The following CMSS1 variants were observed in gnomAD, a reference collection of about 807,000 sequenced individuals.
CMSS1 encodes cms1 ribosomal small subunit homolog.
A neutral mutation model predicts 43.5 loss-of-function variants in CMSS1; 33 were observed. The ratio of observed to expected loss-of-function variants is 0.76; its 90% CI spans 0.57 to 1.01. The LOEUF (loss-of-function observed/expected upper bound fraction) is 1.01, where lower values mean the gene tolerates loss of function less well. CMSS1 is among the 50% of genes least tolerant of loss of function. The pLI is 0.00. For missense variants in CMSS1, 313 were observed against 326.4 expected, an observed-to-expected ratio of 0.96 and a Z score of 0.32; for synonymous variants, 115 against 117.2, an observed-to-expected ratio of 0.98 and a Z score of 0.12.
chr3:99,990,087 G>A (rs1484095827), intron 1 of CMSS1, among the ~76,000 whole-genome samples: 1 of 152,120 alleles, frequency 6.6e-6, no homozygotes, highest in African/African-American at 2.4e-5. Context: ...GTTTGTTTGA[G>A]AAAGAGAAAT....
chr3:99,985,254 C>T (rs867119019), intron 1 of CMSS1, among the ~76,000 whole-genome samples: 5 of 152,106 alleles, frequency 3.3e-5, no homozygotes, highest in Non-Finnish European at 4.4e-5. Flanking sequence ...ATCTAGGGCC[C>T]ATCATGGTGG....
intron 1 of CMSS1, among the ~76,000 whole-genome samples, chr3:99,864,155 T>C (rs969589151): frequency 1.6e-4 from 24 of 152,220 alleles, no homozygotes; most frequent in African/African-American, 5.3e-4. Context: ...ATTTGACTTA[T>C]AACAACAGCT....
chr3:99,914,553 G>A (rs1706892912), intron 1 of CMSS1, among the ~76,000 whole-genome samples: 1 of 152,120 alleles, frequency 6.6e-6, no homozygotes, highest in East Asian at 1.9e-4. Context: ...TTAAATTGAG[G>A]TCAGATTCAA....
At chr3:100,070,547 G>C (rs1368436433) in intron 1 of CMSS1, among the ~76,000 whole-genome samples, 1 of 152,130 alleles carries the variant, frequency 6.6e-6, no homozygotes, top group African/African-American at 2.4e-5. Context: ...GTGGATGTAT[G>C]GGGTTGTAAT....
rs573584109 is a variant in CMSS1 at position 99,903,278 on chromosome 3, A to G, written c.64+85235A>G. Among the ~76,000 whole-genome samples, 1,396 of 151,632 alleles carry G rather than the reference A, an allele frequency of 9.2e-3. 25 individuals carry two copies. Among genetic ancestry groups the G allele is most frequent in the Admixed American group, 0.044 (667 of 15,228 alleles). On this transcript the variant is annotated intron_variant, in intron 1 of 9. Coordinates refer to ENST00000421999, the MANE Select transcript of CMSS1 (RefSeq NM_032359.4). ...TGCATGTTTTTTTTTTTGAGACGGA[A>G]TCTCGCTCTGTCACCCAGGCTGGAG...
chr3:99,867,519 C>G (rs1029090596), intron 1 of CMSS1, among the ~76,000 whole-genome samples: 23 of 152,258 alleles, frequency 1.5e-4, no homozygotes, highest in Admixed American at 2.0e-4. Flanking sequence ...AGGTATTAAA[C>G]AATTGAAAAG....
chr3:99,922,671 A>G (rs1707161613), intron 1 of CMSS1, among the ~76,000 whole-genome samples: 1 of 152,220 alleles, frequency 6.6e-6, no homozygotes, highest in Admixed American at 6.5e-5. Context: ...TCTTTTCAGT[A>G]TCAATAGAGA....
chr3:99,966,887 G>A (rs1039168139), intron 1 of CMSS1, among the ~76,000 whole-genome samples: 6 of 152,170 alleles, frequency 3.9e-5, no homozygotes, highest in Non-Finnish European at 8.8e-5. Flanking sequence ...GCAGAACTCC[G>A]AGCAGCCTGG....
chr3:100,164,236 C>A (rs2067048606), intron 4 of CMSS1, among the ~76,000 whole-genome samples: 1 of 152,176 alleles, frequency 6.6e-6, no homozygotes, highest in Non-Finnish European at 1.5e-5. Context: ...ACTTTTGAAG[C>A]TTTAACTGAA....
At chr3:99,898,050 C>A (rs532577299) in intron 1 of CMSS1, 1 of 151,788 alleles carries the variant, frequency 6.6e-6, no homozygotes, top group Non-Finnish European at 1.5e-5. Flanking sequence ...TCCAGTTAGT[C>A]GTCAGAATGT....
intron 5 of CMSS1, among the ~76,000 whole-genome samples, chr3:100,166,967 C>T (rs549068506): frequency 3.3e-5 from 5 of 152,062 alleles, no homozygotes; most frequent in African/African-American, 1.2e-4. Context: ...AGGCTGGTCT[C>T]AAACTCCTGG....
At chr3:99,979,268 A>G (rs1388351427) in intron 1 of CMSS1, among the ~76,000 whole-genome samples, 1 of 152,068 alleles carries the variant, frequency 6.6e-6, no homozygotes, top group East Asian at 1.9e-4. Context: ...TTTGAATGAG[A>G]CTCTACCTAA....
chr3:99,823,929 T>C (rs376887354), intron 1 of CMSS1, among the ~76,000 whole-genome samples: 7 of 150,812 alleles, frequency 4.6e-5, no homozygotes, highest in East Asian at 3.9e-4. Flanking sequence ...TTCTTTCTTT[T>C]TTTTTTTTTT....
rs1053620657 is a variant in CMSS1 at position 100,146,985 on chromosome 3, G to T, written c.77G>T (p.Gly26Val). 3 of 1,613,572 alleles carry T rather than the reference G, an allele frequency of 1.9e-6. No homozygotes were observed. Among genetic ancestry groups the T allele is most frequent in the African/African-American group, 2.7e-5 (2 of 74,894 alleles). ...GAGSSPEASDGEGEGDTEVMQ... is the reference protein window; with the variant it reads ...GAGSSPEASDVEGEGDTEVMQ... The stretch of plus-strand genomic sequence containing the variant: ...TTATATTTTCTAGAAGCATCAGATG[G>T]TGAAGGAGAAGGAGACACAGAAGTG... The change falls in exon 2 of 10, where the codon GGT (glycine) becomes GTT (valine). Residue 26 changes from glycine (G) to valine (V), a missense_variant. Transcript: ENST00000421999.
At chr3:99,955,738 CAT>C (rs1346828311) in intron 1 of CMSS1, among the ~76,000 whole-genome samples, 2 of 152,070 alleles carry the variant, frequency 1.3e-5, no homozygotes, top group Non-Finnish European at 2.9e-5. Context: ...CTTGATTTTA[CAT>C]AGAGTATGGT....
At chr3:100,164,961 C>T (rs72936587) in intron 4 of CMSS1, among the ~76,000 whole-genome samples, 3 of 152,164 alleles carry the variant, frequency 2.0e-5, no homozygotes, top group South Asian at 4.1e-4. Context: ...TGGAGTCACC[C>T]GGAGCTAATT....
intron 1 of CMSS1, among the ~76,000 whole-genome samples, chr3:99,830,921 T>C (rs371844449): frequency 2.0e-5 from 3 of 152,310 alleles, no homozygotes; most frequent in African/African-American, 7.2e-5. Context: ...AGCCATGAGA[T>C]TGCCAGAGAA....
intron 1 of CMSS1, among the ~76,000 whole-genome samples, chr3:99,915,827 A>T (rs1365814236): frequency 6.6e-6 from 1 of 152,148 alleles, no homozygotes; most frequent in East Asian, 1.9e-4. Context: ...TATTGATGTT[A>T]TGTCTGTCTC....
chr3:99,875,712 G>A (rs969071041), intron 1 of CMSS1, among the ~76,000 whole-genome samples: 1 of 152,152 alleles, frequency 6.6e-6, no homozygotes, highest in Non-Finnish European at 1.5e-5. Context: ...TGAGTCCGGA[G>A]GAGAGATAGG....
Sources: allele counts gnomAD v4.1 joint callset (sites outside exome capture counted in the v4.1 genomes callset), GRCh38; gene constraint gnomAD v4.1.1; transcripts MANE v1.5; gene names NCBI Gene and HGNC (gene_info 2026-07-23, HGNC 2026-07-21).